The following AZIN1 variants were observed in gnomAD, a reference collection of about 807,000 sequenced individuals.
The protein encoded by AZIN1 is ornithine decarboxylase antizyme inhibitor.
Under a neutral mutation model 47.4 loss-of-function variants are expected in AZIN1, and 12 were observed. That is an observed-to-expected ratio of 0.25 (90% CI 0.16 to 0.41). AZIN1 has a LOEUF of 0.41. AZIN1 is among the 10% of genes least tolerant of loss of function. The pLI is 1.00. For synonymous variants in AZIN1, 155 were observed against 176.3 expected (o/e 0.88, Z 0.96); for missense variants, 410 against 532.4 (o/e 0.77, Z 2.26).
At chr8:102,839,852 T>C (rs374481512) in intron 3 of AZIN1, 29 bp from the exon 4 acceptor site, 3 of 1,511,530 alleles carry the variant, frequency 2.0e-6, no homozygotes, top group South Asian at 1.3e-5. Context: ...AAAAGACAAA[T>C]ATGAACAAAA....
intron 7 of AZIN1, 83 bp from the exon 8 acceptor site, chr8:102,834,346 G>GTAA: frequency 9.0e-7 from 1 of 1,111,272 alleles, no homozygotes; most frequent in Non-Finnish European, 1.3e-6. Flanking sequence ...TCCTAGGGAG[G>GTAA]TAAATATCTG....
At chr8:102,829,103 C>T (rs533189009) in intron 11 of AZIN1, among the ~76,000 whole-genome samples, 169 bp downstream of exon 11, 1 of 152,302 alleles carries the variant, frequency 6.6e-6, no homozygotes, top group South Asian at 2.1e-4. Flanking sequence ...CATACAATCG[C>T]CTAATGTTGT....
chr8:102,863,409 C>T (rs1813877747), intron 1 of AZIN1, among the ~76,000 whole-genome samples: 2 of 151,668 alleles, frequency 1.3e-5, no homozygotes, highest in Admixed American at 1.3e-4. Context: ...CCCGGCCCCT[C>T]AGGGCTGCGG....
At chr8:102,859,133 G>A (rs1813470042) in intron 1 of AZIN1, 1 of 151,870 alleles carries the variant, frequency 6.6e-6, no homozygotes, top group Admixed American at 6.6e-5. Context: ...ATCTATCTAG[G>A]AGAAGCTGAT....
At chr8:102,849,618 T>C (rs1812801395) in intron 2 of AZIN1, among the ~76,000 whole-genome samples, 1 of 152,194 alleles carries the variant, frequency 6.6e-6, no homozygotes, top group African/African-American at 2.4e-5. Context: ...TCTAGTATTA[T>C]CAATAGACAC....
intron 3 of AZIN1, among the ~76,000 whole-genome samples, chr8:102,840,772 G>A (rs1377453643): frequency 6.6e-6 from 1 of 152,176 alleles, no homozygotes; most frequent in Non-Finnish European, 1.5e-5. Flanking sequence ...TGAAGACAAT[G>A]TTACTGTTTT....
intron 2 of AZIN1, among the ~76,000 whole-genome samples, chr8:102,857,603 G>C (rs1813374843): frequency 6.6e-6 from 1 of 151,636 alleles, no homozygotes; most frequent in African/African-American, 2.4e-5. Context: ...TATATAAATT[G>C]AGATATATAT....
At chr8:102,844,224 T>G (rs1306972162) in intron 2 of AZIN1, among the ~76,000 whole-genome samples, 1 of 152,116 alleles carries the variant, frequency 6.6e-6, no homozygotes, top group Non-Finnish European at 1.5e-5. Context: ...ATAAAAGTCC[T>G]GGCCGGGCAT....
intron 2 of AZIN1, chr8:102,849,990 G>C (rs1812822492): frequency 6.6e-6 from 1 of 152,174 alleles, no homozygotes; most frequent in Non-Finnish European, 1.5e-5. Flanking sequence ...CACTTGCCTT[G>C]TTACACACCT....
chr8:102,841,243 T>C (rs1314834565), intron 3 of AZIN1, among the ~76,000 whole-genome samples: 1 of 152,162 alleles, frequency 6.6e-6, no homozygotes, highest in Non-Finnish European at 1.5e-5. Context: ...CAGGATGTTA[T>C]GAAGGCAAGA....
Position 102,829,801 on chromosome 8 carries a change from A to G in AZIN1, c.1020+20T>C. 5 of 1,542,552 alleles carry G rather than the reference A, an allele frequency of 3.2e-6. No individual in the cohort carries two copies. The highest frequency in any genetic ancestry group is 4.5e-6 in the Non-Finnish European group (5 of 1,121,040). On this transcript the variant is annotated intron_variant, in intron 10 of 11. Coordinates refer to ENST00000337198, the MANE Select transcript of AZIN1 (RefSeq NM_148174.4). ...CTTATAAAATGCCAAATAGGTTTTGATATTTCTGATAAAACTTGCCTTGTG... is the reference window on the plus strand; with the variant it reads ...CTTATAAAATGCCAAATAGGTTTTGGTATTTCTGATAAAACTTGCCTTGTG...
chr8:102,834,870 AT>A, intron 6 of AZIN1, 123 bp from the exon 7 acceptor site: 1 of 646,362 alleles, frequency 1.5e-6, no homozygotes, highest in Non-Finnish European at 2.6e-6. Context: ...TTTACCAAAT[AT>A]TTAAAGTATT....
At chr8:102,838,976 T>G in intron 4 of AZIN1, 60 bp from the exon 5 acceptor site, 4 of 1,457,800 alleles carry the variant, frequency 2.7e-6, no homozygotes, top group Non-Finnish European at 3.8e-6. Flanking sequence ...CTGGTAATGC[T>G]TCCTCTAATA....
At chr8:102,833,787 C>T (rs1451037990) in intron 8 of AZIN1, among the ~76,000 whole-genome samples, 1 of 130,686 alleles carries the variant, frequency 7.7e-6, no homozygotes, top group Admixed American at 8.3e-5. Flanking sequence ...GTCCCAGCTA[C>T]TTGGGAGGTT....
In AZIN1 at chr8:102,826,904, G is replaced by A. The variant is rs918949680; in HGVS notation, c.*1663C>T. On this transcript the variant is annotated 3_prime_UTR_variant, in exon 12 of 12. Transcript: ENST00000337198. ...CCTTGGAAAAGTCCAAGGGCAATTTGATGGCAATGGATTGGGGCCCTATAT... is the reference window on the plus strand; with the variant it reads ...CCTTGGAAAAGTCCAAGGGCAATTTAATGGCAATGGATTGGGGCCCTATAT... 1 of 152,568 alleles carries A rather than the reference G, an allele frequency of 6.6e-6. No individual in the cohort carries two copies. Among genetic ancestry groups the A allele is most frequent in the Admixed American group, 6.5e-5 (1 of 15,272 alleles). 9.5% of individuals were successfully genotyped at this position (152,568 alleles called of 1,614,324 possible).
chr8:102,854,853 C>T (rs533352475), intron 2 of AZIN1, among the ~76,000 whole-genome samples: 11 of 151,546 alleles, frequency 7.3e-5, no homozygotes, highest in African/African-American at 2.2e-4. Flanking sequence ...AACTGAATCC[C>T]TTTTCCATAC....
rs574944159 is a variant in AZIN1, at chr8:102,833,496, TAC to T, written c.742-280_742-279del. On this transcript the variant is annotated intron_variant, in intron 8 of 11. Transcript: ENST00000337198. Reference sequence around the variant, plus strand: ...TGTTTTTTTTTAAGTCATTTTTCTATACTTGATCACTAAAAACAGAAGTAAAA... The same window carrying T: ...TGTTTTTTTTTAAGTCATTTTTCTATTTGATCACTAAAAACAGAAGTAAAA... Among the ~76,000 whole-genome samples, 801 of 152,124 alleles carry T rather than the reference TAC, an allele frequency of 5.3e-3. 6 individuals are homozygous for T. The highest frequency in any genetic ancestry group is 0.041 in the Middle Eastern group (12 of 294).
At chr8:102,852,746 A>G (rs1373959801) in intron 2 of AZIN1, among the ~76,000 whole-genome samples, 2 of 152,192 alleles carry the variant, frequency 1.3e-5, no homozygotes, top group Non-Finnish European at 2.9e-5. Context: ...TGCATAATGT[A>G]AAAAACAGTG....
intron 2 of AZIN1, among the ~76,000 whole-genome samples, chr8:102,850,416 TACC>T (rs1812847798): frequency 6.6e-6 from 1 of 152,212 alleles, no homozygotes; most frequent in South Asian, 2.1e-4. Flanking sequence ...CTCTGCATTC[TACC>T]TACAACAGAA....
Sources: allele counts gnomAD v4.1 joint callset (sites outside exome capture counted in the v4.1 genomes callset), GRCh38; gene constraint gnomAD v4.1.1; transcripts MANE v1.5; gene names NCBI Gene and HGNC (gene_info 2026-07-23, HGNC 2026-07-21).